The following TMEM178B variants were observed in gnomAD, a reference collection of about 807,000 sequenced individuals.
TMEM178B encodes the protein transmembrane protein 178B.
Under a neutral mutation model 31.0 loss-of-function variants are expected in TMEM178B, and 5 were observed. That is an observed-to-expected ratio of 0.16 (90% CI 0.08 to 0.34). The LOEUF (loss-of-function observed/expected upper bound fraction) is 0.34, where lower values mean the gene tolerates loss of function less well. Ranked by LOEUF, TMEM178B falls within the 10% of genes least tolerant of loss-of-function variation. TMEM178B has a pLI of 1.00. For missense variants in TMEM178B, 275 were observed against 400.3 expected (o/e 0.69, Z 2.67); for synonymous variants, 164 against 164.0 (o/e 1.00, Z 0.00).
At chr7:141,418,805 G>A (rs1394427032) in intron 2 of TMEM178B, among the ~76,000 whole-genome samples, 1 of 152,216 alleles carries the variant, frequency 6.6e-6, no homozygotes, top group African/African-American at 2.4e-5. Context: ...TGTACAGCCA[G>A]TGCCATAAAG....
rs140054087 is a variant in TMEM178B, at chr7:141,204,249, C to T, written c.383-8342C>T. 1.3e-3 allele frequency among the ~76,000 whole-genome samples: 202 copies of T among 152,266 alleles called. 1 individual carries two copies. In the Middle Eastern group the frequency reaches 0.017, roughly 13 times the overall value. ...AGGTTGAGCCAGTGACTACTGTGAG[C>T]GTCAGGTTCAATTCCAGGGGGACCC... On this transcript the variant is annotated intron_variant, in intron 1 of 3. Coordinates refer to ENST00000565468, the MANE Select transcript of TMEM178B (RefSeq NM_001195278.2).
chr7:141,258,805 T>G (rs772972811), intron 2 of TMEM178B, among the ~76,000 whole-genome samples: 11 of 152,210 alleles, frequency 7.2e-5, no homozygotes, highest in Non-Finnish European at 1.0e-4. Context: ...TCTGGCCTAC[T>G]GTTTCTGATA....
In TMEM178B at chr7:141,382,014, G is replaced by A. The variant is rs117632459; in HGVS notation, c.497-55594G>A. On this transcript the variant is annotated intron_variant, in intron 2 of 3. Transcript: ENST00000565468. ...AGAATGTCTAATATTTATCTCAAATGTAACTTGCCCCAACAGGGCTGGATT... is the reference window on the plus strand; with the variant it reads ...AGAATGTCTAATATTTATCTCAAATATAACTTGCCCCAACAGGGCTGGATT... 1.6e-3 allele frequency among the ~76,000 whole-genome samples: 243 copies of A among 152,280 alleles called. 2 individuals carry two copies. Among genetic ancestry groups the A allele is most frequent in the East Asian group, 9.4e-3 (49 of 5,186 alleles).
At chr7:141,465,221 A>G (rs1441597334) in intron 3 of TMEM178B, among the ~76,000 whole-genome samples, 1 of 152,206 alleles carries the variant, frequency 6.6e-6, no homozygotes, top group Non-Finnish European at 1.5e-5. Flanking sequence ...CATCTGCATC[A>G]GTAGCTCTCC....
intron 2 of TMEM178B, among the ~76,000 whole-genome samples, chr7:141,278,121 A>G (rs949352390): frequency 1.3e-5 from 2 of 152,262 alleles, no homozygotes; most frequent in African/African-American, 4.8e-5. Flanking sequence ...TTAGATGACT[A>G]CAGTCTCATA....
intron 3 of TMEM178B, among the ~76,000 whole-genome samples, chr7:141,439,730 C>A (rs755036419): frequency 6.6e-6 from 1 of 152,132 alleles, no homozygotes; most frequent in Non-Finnish European, 1.5e-5. Flanking sequence ...GCTGAGCAAA[C>A]GGGCCGCGGG....
intron 1 of TMEM178B, among the ~76,000 whole-genome samples, chr7:141,087,861 C>A (rs572539427): frequency 6.6e-6 from 1 of 152,262 alleles, no homozygotes; most frequent in African/African-American, 2.4e-5. Flanking sequence ...AGAATTATAG[C>A]AAGAACTCCA....
At chr7:141,287,763 T>C (rs1464685097) in intron 2 of TMEM178B, among the ~76,000 whole-genome samples, 1 of 152,342 alleles carries the variant, frequency 6.6e-6, no homozygotes, top group East Asian at 1.9e-4. Flanking sequence ...GGGGCCTGAA[T>C]AGTTGAACTC....
chr7:141,238,089 A>G (rs949229977), intron 2 of TMEM178B, among the ~76,000 whole-genome samples: 2 of 151,950 alleles, frequency 1.3e-5, no homozygotes, highest in Non-Finnish European at 2.9e-5. Context: ...TTGGGACTGT[A>G]AAACCCAGTC....
intron 2 of TMEM178B, among the ~76,000 whole-genome samples, chr7:141,374,201 T>TA (rs1338647955): frequency 6.6e-6 from 1 of 152,146 alleles, no homozygotes; most frequent in Non-Finnish European, 1.5e-5. Flanking sequence ...TGGGGCTTCA[T>TA]ACAAGCTTCT....
chr7:141,288,360 A>G (rs1290254615), intron 2 of TMEM178B, among the ~76,000 whole-genome samples: 4 of 151,990 alleles, frequency 2.6e-5, no homozygotes, highest in Non-Finnish European at 4.4e-5. Flanking sequence ...TCTCAAGTCC[A>G]GGTGCCTACC....
At position 141,301,224 on chromosome 7, in the gene TMEM178B, C is replaced by T. The variant is rs1798719334; in HGVS notation, c.496+88520C>T. Reference sequence around the variant, plus strand: ...ATTTAATTAGCATTTCCTTTTATGCCACTGTCAATATGCTTCTGTTACGTT... The same window carrying T: ...ATTTAATTAGCATTTCCTTTTATGCTACTGTCAATATGCTTCTGTTACGTT... On this transcript the variant is annotated intron_variant, in intron 2 of 3. Transcript: ENST00000565468. Among the ~76,000 whole-genome samples, 2 of 152,170 alleles carry T rather than the reference C, an allele frequency of 1.3e-5. 1 individual carries two copies. The highest frequency in any genetic ancestry group is 4.1e-4 in the South Asian group (2 of 4,834).
rs575708157 is a variant in TMEM178B at position 141,284,942 on chromosome 7, T to C, written c.496+72238T>C. ...TTCAGAGACCAGAGTCTAAGACCAA[T>C]CAAGAAGAATGGATCAATTAGAGAT... On this transcript the variant is annotated intron_variant, in intron 2 of 3. Coordinates refer to ENST00000565468, the MANE Select transcript of TMEM178B (RefSeq NM_001195278.2). Among the ~76,000 whole-genome samples, 8 of 152,014 alleles carry C rather than the reference T, an allele frequency of 5.3e-5. No individual in the cohort carries two copies. In the South Asian group the frequency reaches 1.5e-3, roughly 28 times the overall value.
chr7:141,225,826 T>C (rs942001630), intron 2 of TMEM178B, among the ~76,000 whole-genome samples: 1 of 152,178 alleles, frequency 6.6e-6, no homozygotes, highest in Non-Finnish European at 1.5e-5. Flanking sequence ...ATGTGCCCTG[T>C]GTAGGCTTGT....
chr7:141,464,407 G>A (rs762764947), intron 3 of TMEM178B, among the ~76,000 whole-genome samples: 5 of 152,220 alleles, frequency 3.3e-5, no homozygotes, highest in South Asian at 2.1e-4. Context: ...TTTACAGATC[G>A]GGGACCCACC....
downstream of TMEM178B, among the ~76,000 whole-genome samples, chr7:141,485,141 G>A (rs751898939): frequency 6.6e-6 from 1 of 152,148 alleles, no homozygotes; most frequent in African/African-American, 2.4e-5. Context: ...GCAGTCTTGG[G>A]TAGTCACAGG....
At chr7:141,261,665 G>C (rs904644610) in intron 2 of TMEM178B, among the ~76,000 whole-genome samples, 1 of 152,142 alleles carries the variant, frequency 6.6e-6, no homozygotes, top group Non-Finnish European at 1.5e-5. Context: ...CCCCGCTCCA[G>C]GTCCTCTGCT....
At chr7:141,181,324 G>A (rs746410131) in intron 1 of TMEM178B, among the ~76,000 whole-genome samples, 16 of 152,220 alleles carry the variant, frequency 1.1e-4, no homozygotes, top group Non-Finnish European at 1.6e-4. Context: ...TACATACAGT[G>A]GTAATATACA....
intron 2 of TMEM178B, among the ~76,000 whole-genome samples, chr7:141,235,673 C>T (rs1214863130): frequency 6.6e-6 from 1 of 152,192 alleles, no homozygotes; most frequent in African/African-American, 2.4e-5. Flanking sequence ...AACCAAACCT[C>T]AAAATCCTCT....
Sources: gnomAD v4.1 joint callset for allele counts (sites outside exome capture counted in the v4.1 genomes callset) on GRCh38, gnomAD v4.1.1 for gene constraint, MANE v1.5 for transcripts, NCBI Gene and HGNC (gene_info 2026-07-23, HGNC 2026-07-21) for gene names.